Variants in RNF180 observed in about 807,000 individuals in gnomAD.
RNF180 encodes ring finger protein 180.
RNF180 carries 38 observed loss-of-function variants against 59.2 expected under a neutral mutation model. The observed-to-expected ratio is 0.64, with a 90% CI of 0.50 to 0.84. The LOEUF (loss-of-function observed/expected upper bound fraction) is 0.84. RNF180 is among the 40% of genes least tolerant of loss of function. RNF180 has a pLI of 0.00. For synonymous variants in RNF180, 262 were observed against 240.3 expected, an observed-to-expected ratio of 1.09 and a Z score of -0.84; for missense variants, 705 against 700.9, an observed-to-expected ratio of 1.01 and a Z score of -0.07.
chr5:64,315,720 G>A (rs1446692084), intron 5 of RNF180, among the ~76,000 whole-genome samples: 1 of 132,578 alleles, frequency 7.5e-6, no homozygotes, highest in African/African-American at 2.9e-5. Context: ...TGGGCAACAA[G>A]AGCGTAACTG....
At chr5:64,351,559 T>G (rs1745812352) in intron 7 of RNF180, among the ~76,000 whole-genome samples, 1 of 152,002 alleles carries the variant, frequency 6.6e-6, no homozygotes, top group Non-Finnish European at 1.5e-5. Flanking sequence ...ATAGCTCTTA[T>G]TATTTTGAGA....
At chr5:64,259,604 A>G (rs1442204207) in intron 5 of RNF180, among the ~76,000 whole-genome samples, 2 of 152,146 alleles carry the variant, frequency 1.3e-5, no homozygotes, top group Non-Finnish European at 2.9e-5. Context: ...ATTTTGTTTT[A>G]TGATTATAAG....
At chr5:64,325,132 TAAGG>T in intron 5 of RNF180, 50 bp from the exon 6 acceptor site, 1 of 1,165,842 alleles carries the variant, frequency 8.6e-7, no homozygotes, top group African/African-American at 1.5e-5. Context: ...AAGGCTATCT[TAAGG>T]AAACCAATCT....
At chr5:64,284,059 A>T in intron 5 of RNF180, among the ~76,000 whole-genome samples, 1 of 152,054 alleles carries the variant, frequency 6.6e-6, no homozygotes, top group East Asian at 1.9e-4. Context: ...GGTGGTAACA[A>T]AATCTCTTGA....
At chr5:64,195,941 A>G (rs1406700866) in intron 1 of RNF180, among the ~76,000 whole-genome samples, 1 of 152,164 alleles carries the variant, frequency 6.6e-6, no homozygotes, top group Non-Finnish European at 1.5e-5. Context: ...CGTGGGAGGA[A>G]ACTGCAGTGC....
Position 64,226,132 on chromosome 5 carries a change from CT to C in RNF180, c.1227+8737del, listed in dbSNP as rs1420160427. On this transcript the variant is annotated intron_variant, in intron 5 of 7. Coordinates refer to ENST00000389100, the MANE Select transcript of RNF180 (RefSeq NM_001113561.2). Reference sequence around the variant, plus strand: ...GGAAGTGAGGAGTGCCTCTGCCCGGCTGCCCCATCTGGGAGGTGTACCCCAC... The same window carrying C: ...GGAAGTGAGGAGTGCCTCTGCCCGGCGCCCCATCTGGGAGGTGTACCCCAC... Among the ~76,000 whole-genome samples, 3 of 152,310 alleles carry C rather than the reference CT, an allele frequency of 2.0e-5. No homozygotes were observed. The East Asian group carries it at 5.8e-4, about 29-fold the overall frequency.
chr5:64,334,544 G>A (rs1745042048), intron 7 of RNF180, among the ~76,000 whole-genome samples: 1 of 149,712 alleles, frequency 6.7e-6, no homozygotes, highest in South Asian at 2.2e-4. Flanking sequence ...AGCACCTTCT[G>A]TAGTTCTTCT....
chr5:64,287,379 C>T (rs1440918787), intron 5 of RNF180, among the ~76,000 whole-genome samples: 1 of 152,138 alleles, frequency 6.6e-6, no homozygotes, highest in African/African-American at 2.4e-5. Flanking sequence ...TACTAAATTC[C>T]ATTGCCAATT....
At chr5:64,255,013 T>A (rs1209032825) in intron 5 of RNF180, among the ~76,000 whole-genome samples, 1 of 152,084 alleles carries the variant, frequency 6.6e-6, no homozygotes, top group Non-Finnish European at 1.5e-5. Flanking sequence ...TTCTCCATAT[T>A]TCTAAAGAAA....
intron 4 of RNF180, among the ~76,000 whole-genome samples, chr5:64,215,989 GT>G (rs35271070): frequency 0.027 from 4,017 of 148,190 alleles, 147 homozygotes; most frequent in African/African-American, 0.071. Context: ...AAGTTAATGT[GT>G]TTTTTTTTTG....
chr5:64,266,769 G>A (rs1744703788), intron 5 of RNF180, among the ~76,000 whole-genome samples: 1 of 152,004 alleles, frequency 6.6e-6, no homozygotes, highest in Admixed American at 6.6e-5. Flanking sequence ...GGTGTAAATC[G>A]AGAAAAGGAC....
chr5:64,341,873 A>G (rs1052122876), intron 7 of RNF180, among the ~76,000 whole-genome samples: 1 of 152,168 alleles, frequency 6.6e-6, no homozygotes, highest in African/African-American at 2.4e-5. Flanking sequence ...AGCAGATCTG[A>G]TCTATACAAC....
chr5:64,314,473 T>C (rs576997223), intron 5 of RNF180, among the ~76,000 whole-genome samples: 49 of 152,134 alleles, frequency 3.2e-4, no homozygotes, highest in Non-Finnish European at 4.3e-4. Context: ...CTAATAGATG[T>C]CTAGTGCTCA....
intron 3 of RNF180, among the ~76,000 whole-genome samples, chr5:64,213,063 G>A (rs1023010249): frequency 6.6e-6 from 1 of 152,288 alleles, no homozygotes; most frequent in Non-Finnish European, 1.5e-5. Flanking sequence ...ACTGTCTGAT[G>A]TATGCAATCA....
chr5:64,356,561 G>A (rs527786122), intron 7 of RNF180, among the ~76,000 whole-genome samples: 1 of 151,846 alleles, frequency 6.6e-6, no homozygotes, highest in South Asian at 2.1e-4. Context: ...AATGTTCATT[G>A]CAGCATTATT....
Position 64,295,440 on chromosome 5 carries a change from G to A in RNF180, c.1228-29746G>A, listed in dbSNP as rs569619307. On this transcript the variant is annotated intron_variant, in intron 5 of 7. Coordinates refer to ENST00000389100, the MANE Select transcript of RNF180 (RefSeq NM_001113561.2). ...TTGGACCATGAGGAGATGGGCCTCA[G>A]AAGATAAATTATTCTCCTTTCATCC... 1.1e-4 allele frequency among the ~76,000 whole-genome samples: 16 copies of A among 152,300 alleles called. 1 individual carries two copies. The East Asian group carries it at 3.1e-3, about 29-fold the overall frequency.
intron 1 of RNF180, among the ~76,000 whole-genome samples, chr5:64,168,917 A>G (rs1005331148): frequency 1.3e-5 from 2 of 152,226 alleles, no homozygotes; most frequent in Admixed American, 6.5e-5. Flanking sequence ...ATAGAATGCC[A>G]TGCCCTAGGC....
intron 1 of RNF180, among the ~76,000 whole-genome samples, chr5:64,167,968 T>C (rs935559029): frequency 2.0e-5 from 3 of 152,192 alleles, no homozygotes; most frequent in African/African-American, 7.2e-5. Context: ...TGAAATGTGA[T>C]TGCAGAGTCT....
intron 5 of RNF180, among the ~76,000 whole-genome samples, chr5:64,277,693 A>G (rs1398175494): frequency 2.0e-5 from 3 of 152,164 alleles, no homozygotes; most frequent in African/African-American, 7.2e-5. Flanking sequence ...TTCTGTTCTC[A>G]TGCATGTTGC....
Sources: allele counts gnomAD v4.1 joint callset (sites outside exome capture counted in the v4.1 genomes callset), GRCh38; gene constraint gnomAD v4.1.1; transcripts MANE v1.5; gene names NCBI Gene and HGNC (gene_info 2026-07-23, HGNC 2026-07-21).